ITGB6: variants seen among roughly 807,000 people sequenced by gnomAD.
ITGB6 encodes the protein integrin subunit beta 6, also known as integrin beta-6.
Under a neutral mutation model 84.5 loss-of-function variants are expected in ITGB6, and 80 were observed. The observed-to-expected ratio is 0.95, with a 90% CI of 0.79 to 1.14. The LOEUF (loss-of-function observed/expected upper bound fraction) is 1.14. Among genes scored for constraint, ITGB6 ranks in the 50% most tolerant of loss-of-function variants. The pLI, the probability that ITGB6 is intolerant of heterozygous loss-of-function variation, is 0.00. For missense variants in ITGB6, 1,006 were observed against 968.0 expected (o/e 1.04, Z -0.52); for synonymous variants, 383 against 354.9 (o/e 1.08, Z -0.89).
chr2:160,165,235 T>C (rs1684961039), intron 7 of ITGB6, among the ~76,000 whole-genome samples: 1 of 152,178 alleles, frequency 6.6e-6, no homozygotes, highest in African/African-American at 2.4e-5. Flanking sequence ...ATTAGCTACA[T>C]TACAGCTTAC....
chr2:160,191,338 C>T (rs920469892), intron 4 of ITGB6, among the ~76,000 whole-genome samples: 2 of 152,112 alleles, frequency 1.3e-5, no homozygotes, highest in African/African-American at 4.8e-5. Context: ...TTTGGAGGGG[C>T]AGCTAGCAAT....
At position 160,112,130 on chromosome 2, in the gene ITGB6, A is replaced by G. The variant is rs1682555536; in HGVS notation, c.2051T>C (p.Ile684Thr). Residue 684 changes from isoleucine to threonine, a missense_variant, in exon 13 of 15, where the codon ATA (isoleucine) becomes ACA (threonine). Physicochemically the swap from Ile to Thr is moderately conservative, Grantham distance 89. Coordinates refer to ENST00000283249, the MANE Select transcript of ITGB6 (RefSeq NM_000888.5). ...GENECLITFL[I>T]TTDNEGKTII... ...GGTTTTCCCCTCATTATCTGTAGTT[A>G]TTAGGAATGTAATAAGACATTCATT... is the stretch of plus-strand genomic sequence containing the variant. The G allele has an allele frequency of 6.2e-7, 1 of 1,612,866 alleles. No homozygotes were observed. Among genetic ancestry groups the G allele is most frequent in the Non-Finnish European group, 8.5e-7 (1 of 1,179,266 alleles).
At chr2:160,150,465 C>T (rs2105837388) in intron 7 of ITGB6, among the ~76,000 whole-genome samples, 1 of 152,230 alleles carries the variant, frequency 6.6e-6, no homozygotes, top group African/African-American at 2.4e-5. Context: ...AAGAACTAAA[C>T]ATGGAAAGAA....
intron 4 of ITGB6, among the ~76,000 whole-genome samples, chr2:160,187,612 G>A (rs1348416733): frequency 6.6e-6 from 1 of 152,106 alleles, no homozygotes; most frequent in African/African-American, 2.4e-5. Flanking sequence ...GAATCCAGTT[G>A]TCTTCCATTA....
At chr2:160,114,552 C>T (rs971088477) in intron 12 of ITGB6, among the ~76,000 whole-genome samples, 3 of 152,160 alleles carry the variant, frequency 2.0e-5, no homozygotes, top group Non-Finnish European at 2.9e-5. Flanking sequence ...AGGAACAGCT[C>T]CAGTCTACAG....
intron 10 of ITGB6, among the ~76,000 whole-genome samples, chr2:160,131,582 CA>C (rs1683471655): frequency 6.6e-6 from 1 of 152,114 alleles, no homozygotes; most frequent in Non-Finnish European, 1.5e-5. Context: ...ACTCCATGAC[CA>C]TTTGTTAACC....
At chr2:160,105,322 A>G (rs1011131725) in intron 14 of ITGB6, among the ~76,000 whole-genome samples, 1 of 152,222 alleles carries the variant, frequency 6.6e-6, no homozygotes, top group African/African-American at 2.4e-5. Flanking sequence ...AATTTCAGTC[A>G]TGTTCTACAT....
intron 7 of ITGB6, among the ~76,000 whole-genome samples, chr2:160,148,622 G>A (rs1177676017): frequency 2.0e-5 from 3 of 152,220 alleles, no homozygotes; most frequent in African/African-American, 7.2e-5. Flanking sequence ...AGCTGACAGA[G>A]GGTGAGCAGA....
intron 12 of ITGB6, among the ~76,000 whole-genome samples, chr2:160,117,195 A>C (rs1299720220): frequency 2.6e-5 from 4 of 152,148 alleles, no homozygotes; most frequent in African/African-American, 4.8e-5. Context: ...CTCCACCCCA[A>C]ATCAACAGAA....
intron 7 of ITGB6, among the ~76,000 whole-genome samples, chr2:160,162,677 G>A (rs1432365746): frequency 2.0e-5 from 3 of 152,204 alleles, no homozygotes; most frequent in African/African-American, 4.8e-5. Flanking sequence ...AGAGTGCAAT[G>A]GTGCGATCTC....
intron 7 of ITGB6, among the ~76,000 whole-genome samples, chr2:160,166,967 C>G (rs543066475): frequency 6.6e-6 from 1 of 152,316 alleles, no homozygotes; most frequent in African/African-American, 2.4e-5. Flanking sequence ...ATTTTATTTG[C>G]TGCAGACAGG....
intron 7 of ITGB6, among the ~76,000 whole-genome samples, chr2:160,167,733 C>A (rs1047350697): frequency 9.9e-5 from 15 of 152,140 alleles, no homozygotes; most frequent in African/African-American, 3.4e-4. Flanking sequence ...TTTTTAATAG[C>A]GGTTTTGGGG....
chr2:160,107,705 C>A lies in ITGB6; in HGVS notation c.2242G>T (p.Glu748Ter). Residue 748 changes from glutamate to a stop codon, truncating the protein, a stop_gained, in exon 14 of 15, where the codon GAA becomes TAA. Coordinates refer to ENST00000283249, the MANE Select transcript of ITGB6 (RefSeq NM_000888.5). LOFTEE classifies it high-confidence loss of function. ...DRKEVAKFEAERSKAKWQTGT... is the reference protein window; with the variant it reads ...DRKEVAKFEA ...GTTTGCCACTTGGCTTTTGATCGTT[C>A]TGCTTCAAATTTGGCAACTTCTTTA... The A allele has an allele frequency of 2.5e-6, 4 of 1,614,056 alleles. No homozygotes were observed. The highest frequency in any genetic ancestry group is 3.4e-6 in the Non-Finnish European group (4 of 1,179,942).
rs147941893 is a variant in ITGB6, at chr2:160,168,905, A to G, written c.1017+307T>C. Among the ~76,000 whole-genome samples, 1,274 of 152,328 alleles carry G rather than the reference A, an allele frequency of 8.4e-3. 39 individuals are homozygous for G. The highest frequency in any genetic ancestry group is 0.048 in the Admixed American group (730 of 15,296). On this transcript the variant is annotated intron_variant, in intron 7 of 14. Coordinates refer to ENST00000283249, the MANE Select transcript of ITGB6 (RefSeq NM_000888.5). ...TAGATGAAATAATTCAAGGGGACAG[A>G]TAATAAATTTTCTTTTAGGTAGGCT...
chr2:160,171,905 G>T lies in ITGB6; in HGVS notation c.921+664C>A, dbSNP rs1377108175. 3.3e-5 allele frequency among the ~76,000 whole-genome samples: 5 copies of T among 152,286 alleles called. No homozygotes were observed. In the East Asian group the frequency reaches 9.7e-4, roughly 29 times the overall value. On this transcript the variant is annotated intron_variant, in intron 6 of 14. Transcript: ENST00000283249. ...TTCAAGGATAATGAAGAGTTTCTCA[G>T]CAGGCTAGGAAGGAAGGATATTCCA... is the stretch of plus-strand genomic sequence containing the variant.
At chr2:160,121,565 C>A (rs538500274) in intron 12 of ITGB6, among the ~76,000 whole-genome samples, 1 of 152,058 alleles carries the variant, frequency 6.6e-6, no homozygotes, top group Non-Finnish European at 1.5e-5. Context: ...CGGGCAGATG[C>A]CTTGAGCTCA....
intron 10 of ITGB6, among the ~76,000 whole-genome samples, chr2:160,134,735 G>A (rs1419724821): frequency 6.6e-6 from 1 of 152,228 alleles, no homozygotes. Flanking sequence ...TCCCTGGGAT[G>A]CAAGGCTGAT....
Position 160,111,824 on chromosome 2 carries a change from C to T in ITGB6, c.2101+256G>A, listed in dbSNP as rs541225306. On this transcript the variant is annotated intron_variant, in intron 13 of 14. Transcript: ENST00000283249. ...CCAACTCCTGACCTCAAGTGACCCA[C>T]CCTCCTCGGCCTCCCAAAGTGCTGG... Among the ~76,000 whole-genome samples, 6 of 152,090 alleles carry T rather than the reference C, an allele frequency of 3.9e-5. No homozygotes were observed. In the South Asian group the frequency reaches 8.3e-4, roughly 21 times the overall value.
chr2:160,136,906 TG>T (rs1429368979), intron 10 of ITGB6, among the ~76,000 whole-genome samples: 1 of 77,364 alleles, frequency 1.3e-5, no homozygotes, highest in Non-Finnish European at 2.6e-5. Flanking sequence ...TGTTGTGGGG[TG>T]GGGGGAAGGG....
Sources: gnomAD v4.1 joint callset for allele counts (sites outside exome capture counted in the v4.1 genomes callset) on GRCh38, gnomAD v4.1.1 for gene constraint, MANE v1.5 for transcripts, NCBI Gene and HGNC (gene_info 2026-07-23, HGNC 2026-07-21) for gene names.